ANGPT1: variants seen among roughly 807,000 people sequenced by gnomAD.
The protein encoded by ANGPT1 is angiopoietin-1.
ANGPT1 carries 17 observed loss-of-function variants against 62.2 expected under a neutral mutation model. The ratio of observed to expected loss-of-function variants is 0.27; its 90% confidence interval spans 0.19 to 0.41. The LOEUF is 0.41. Ranked by LOEUF, ANGPT1 falls within the 10% of genes least tolerant of loss-of-function variation. The pLI is 1.00. For missense variants in ANGPT1, 478 were observed against 594.9 expected (o/e 0.80, Z 2.04); for synonymous variants, 199 against 198.9 (o/e 1.00, Z 0.00).
intron 1 of ANGPT1, among the ~76,000 whole-genome samples, chr8:107,355,284 T>C (rs567431872): frequency 1.4e-4 from 21 of 152,226 alleles, no homozygotes; most frequent in Middle Eastern, 3.4e-3. Flanking sequence ...ATTCTCACAG[T>C]CACTGACTAA....
intron 1 of ANGPT1, among the ~76,000 whole-genome samples, chr8:107,489,861 G>C (rs1275459175): frequency 2.0e-5 from 3 of 151,708 alleles, no homozygotes; most frequent in African/African-American, 7.3e-5. Context: ...CTTGTATTGG[G>C]ACAAAAGTCG....
intron 1 of ANGPT1, among the ~76,000 whole-genome samples, chr8:107,409,119 T>A (rs1336370347): frequency 1.3e-5 from 2 of 152,212 alleles, no homozygotes; most frequent in African/African-American, 2.4e-5. Context: ...AGGCAACTGA[T>A]AGATGAAAAA....
At chr8:107,461,646 G>C (rs976029806) in intron 1 of ANGPT1, among the ~76,000 whole-genome samples, 4 of 152,064 alleles carry the variant, frequency 2.6e-5, no homozygotes, top group Non-Finnish European at 5.9e-5. Context: ...TACCAAGCCT[G>C]TCATTTAAAA....
intron 1 of ANGPT1, among the ~76,000 whole-genome samples, chr8:107,410,260 C>G (rs1007729869): frequency 6.6e-6 from 1 of 152,202 alleles, no homozygotes. Flanking sequence ...TGCCAAGAAA[C>G]CTTTTAACGC....
intron 1 of ANGPT1, among the ~76,000 whole-genome samples, chr8:107,465,906 A>G (rs1812185590): frequency 6.6e-6 from 1 of 152,136 alleles, no homozygotes; most frequent in African/African-American, 2.4e-5. Context: ...TTAATTTAAC[A>G]TATTGCTAGG....
rs201710616 is a variant in ANGPT1 at position 107,282,432 on chromosome 8, G to A, written c.1205+2250C>T. Reference sequence around the variant, plus strand: ...ATATGAGGCTCATATGTATATATATGTGTGTATGTGTGTGTGTGTGTGTGC... The same window carrying A: ...ATATGAGGCTCATATGTATATATATATGTGTATGTGTGTGTGTGTGTGTGC... On this transcript the variant is annotated intron_variant, in intron 7 of 8. Transcript: ENST00000517746. 9.7e-3 allele frequency among the ~76,000 whole-genome samples: 214 copies of A among 22,128 alleles called. 2 individuals are homozygous for A. Among genetic ancestry groups the A allele is most frequent in the African/African-American group, 0.049 (167 of 3,418 alleles). 14.5% of individuals were successfully genotyped at this position (22,128 alleles called of 152,430 possible).
intron 1 of ANGPT1, among the ~76,000 whole-genome samples, chr8:107,420,090 G>A (rs1259264827): frequency 1.3e-5 from 2 of 152,080 alleles, no homozygotes; most frequent in African/African-American, 4.8e-5. Flanking sequence ...GAAGCTTTTA[G>A]GATTTCTATA....
At position 107,497,719 on chromosome 8, in the gene ANGPT1, T is replaced by C; in HGVS notation, c.-161A>G. On this transcript the variant is annotated 5_prime_UTR_variant, in exon 1 of 9. Coordinates refer to ENST00000517746, the MANE Select transcript of ANGPT1 (RefSeq NM_001146.5). ...AGAATCATAGAAAACTAGCCATTTG[T>C]TAGCTTTGTTCTAAAATTTTAAAAT... The C allele has an allele frequency of 1.3e-6, 1 of 775,510 alleles. No homozygotes were observed. The allele number at this position is 775,510 out of a possible 1,614,324, so 48.0% of individuals were successfully genotyped here.
chr8:107,317,375 T>A (rs928750939), intron 4 of ANGPT1, among the ~76,000 whole-genome samples: 9 of 152,202 alleles, frequency 5.9e-5, no homozygotes, highest in Admixed American at 4.6e-4. Context: ...TGGATAAATT[T>A]ATGAACCACA....
intron 8 of ANGPT1, among the ~76,000 whole-genome samples, chr8:107,254,012 G>C (rs1033636084): frequency 6.6e-6 from 1 of 151,936 alleles, no homozygotes; most frequent in African/African-American, 2.4e-5. Context: ...AAATCACCCA[G>C]TGTTTTGTTC....
chr8:107,286,737 A>T (rs1586189132), intron 6 of ANGPT1, among the ~76,000 whole-genome samples: 1 of 152,304 alleles, frequency 6.6e-6, no homozygotes, highest in African/African-American at 2.4e-5. Flanking sequence ...CAGTAAAGCT[A>T]TAAGACCACT....
At chr8:107,465,724 C>T (rs1812181408) in intron 1 of ANGPT1, among the ~76,000 whole-genome samples, 1 of 152,066 alleles carries the variant, frequency 6.6e-6, no homozygotes, top group Non-Finnish European at 1.5e-5. Context: ...AAGAATAATC[C>T]AGATAACCAT....
rs372794956 is a variant in ANGPT1 at position 107,413,337 on chromosome 8, C to T, written c.298-66240G>A. ...GAAGGCAGACCTGCTCCCTCTGCTC[C>T]CCAGCCTTCCTGCCTCGAATCTTCT... On this transcript the variant is annotated intron_variant, in intron 1 of 8. Coordinates refer to ENST00000517746, the MANE Select transcript of ANGPT1 (RefSeq NM_001146.5). 3.9e-5 allele frequency among the ~76,000 whole-genome samples: 6 copies of T among 152,094 alleles called. No individual in the cohort carries two copies. In the East Asian group the frequency reaches 5.8e-4, roughly 15 times the overall value.
At chr8:107,376,647 C>T (rs765261092) in intron 1 of ANGPT1, among the ~76,000 whole-genome samples, 5 of 151,988 alleles carry the variant, frequency 3.3e-5, no homozygotes, top group South Asian at 2.1e-4. Flanking sequence ...GTGAGAGATA[C>T]GGTAAGGCCT....
At chr8:107,343,444 C>T (rs2130145668) in intron 2 of ANGPT1, among the ~76,000 whole-genome samples, 1 of 152,292 alleles carries the variant, frequency 6.6e-6, no homozygotes, top group South Asian at 2.1e-4. Context: ...CAGTGGACTT[C>T]TACAGCTCCC....
chr8:107,357,142 C>T (rs370047097), intron 1 of ANGPT1, among the ~76,000 whole-genome samples: 1 of 152,154 alleles, frequency 6.6e-6, no homozygotes, highest in African/African-American at 2.4e-5. Flanking sequence ...GCATCACTCA[C>T]CTTTGAATGA....
intron 1 of ANGPT1, among the ~76,000 whole-genome samples, chr8:107,437,032 A>G (rs1811353307): frequency 1.3e-5 from 2 of 152,214 alleles, no homozygotes; most frequent in South Asian, 2.1e-4. Context: ...TCATCTACCA[A>G]TATAGTTACA....
intron 1 of ANGPT1, among the ~76,000 whole-genome samples, chr8:107,366,862 G>A (rs1189803735): frequency 6.6e-6 from 1 of 152,132 alleles, no homozygotes; most frequent in Non-Finnish European, 1.5e-5. Context: ...GGTTCTATTT[G>A]CATTCTGTCT....
intron 1 of ANGPT1, among the ~76,000 whole-genome samples, chr8:107,394,078 A>G (rs1189323564): frequency 1.3e-5 from 2 of 152,172 alleles, no homozygotes; most frequent in Non-Finnish European, 2.9e-5. Context: ...ATTTTATTAC[A>G]GTGCCCGCAA....
Sources: allele counts gnomAD v4.1 joint callset (sites outside exome capture counted in the v4.1 genomes callset), GRCh38; gene constraint gnomAD v4.1.1; transcripts MANE v1.5; gene names NCBI Gene and HGNC (gene_info 2026-07-23, HGNC 2026-07-21).